SUOX: variants seen among roughly 807,000 people sequenced by gnomAD.
SUOX encodes the protein sulfite oxidase, mitochondrial.
A neutral mutation model predicts 41.9 loss-of-function variants in SUOX; 39 were observed. The observed-to-expected ratio is 0.93, with a 90% CI of 0.72 to 1.21. The LOEUF is 1.21. Ranked by LOEUF, SUOX falls within the 50% of genes most tolerant of loss-of-function variation. The probability of loss-of-function intolerance (pLI) is 0.00; values close to 1 mark genes in which losing one functional copy is unlikely to be tolerated. For synonymous variants in SUOX, 220 were observed against 268.4 expected, an observed-to-expected ratio of 0.82 and a Z score of 1.76; for missense variants, 633 against 689.5, an observed-to-expected ratio of 0.92 and a Z score of 0.92.
At position 56,004,271 on chromosome 12, in the gene SUOX, TG is replaced by T. The variant is rs1890650705; in HGVS notation, c.886del (p.Ala296HisfsTer7). 2 of 1,614,004 alleles carry T rather than the reference TG, an allele frequency of 1.2e-6. No homozygotes were observed. The highest frequency in any genetic ancestry group is 1.7e-6 in the Non-Finnish European group (2 of 1,180,000). ...TGAISTARWA[G>X]ARLCDVLAQA... ...GAGCCATCAGCACTGCACGCTGGGC[TG>T]GGGCACGGCTCTGTGATGTGTTAGC... On this transcript the variant is annotated frameshift_variant, in exon 5 of 5. Transcript: ENST00000266971. LOFTEE classifies it high-confidence loss of function. The surrounding 1 kb of genome is among the most constrained non-coding windows in gnomAD (Gnocchi z 4.5).
rs1202051158 is a variant in SUOX at position 56,005,128 on chromosome 12, C to T, written c.*101C>T. On this transcript the variant is annotated 3_prime_UTR_variant, in exon 5 of 5. Coordinates refer to ENST00000266971, the MANE Select transcript of SUOX (RefSeq NM_001032386.2). ...CAACTTCTTGGATCACAACTCTGGC[C>T]TTCCTAAGCCATACCCAAGTACACA... is the stretch of plus-strand genomic sequence containing the variant. 1.4e-6 allele frequency: 2 copies of T among 1,381,454 alleles called. No individual in the cohort carries two copies. The highest frequency in any genetic ancestry group is 2.0e-6 in the Non-Finnish European group (2 of 986,778). 85.6% of individuals were successfully genotyped at this position (1,381,454 alleles called of 1,614,324 possible). A position where few individuals can be genotyped will look rare whatever the true frequency, so the allele number is the denominator to read the frequency against.
chr12:55,998,762 G>C (rs1411663224), intron 2 of SUOX, among the ~76,000 whole-genome samples: 1 of 152,002 alleles, frequency 6.6e-6, no homozygotes, highest in African/African-American at 2.4e-5. Flanking sequence ...AGAGGTTGAA[G>C]CTTCAGTGAG....
At chr12:56,002,828 A>G (rs777202308) in intron 4 of SUOX, 108 bp downstream of exon 4, 1 of 1,331,558 alleles carries the variant, frequency 7.5e-7, no homozygotes, top group Non-Finnish European at 1.1e-6. Context: ...TGAGGTTAGG[A>G]GTTTGAGACC....
Position 56,004,374 on chromosome 12 carries a change from G to C in SUOX, c.985G>C (p.Ala329Pro). Reference sequence around the variant, plus strand: ...ACTGGACTCAGACCCTACTGGGACTGCCTATGGAGCATCCATCCCTCTGGC... The same window carrying C: ...ACTGGACTCAGACCCTACTGGGACTCCCTATGGAGCATCCATCCCTCTGGC... ...EGLDSDPTGT[A>P]YGASIPLARA... Residue 329 changes from alanine (A) to proline (P), a missense_variant, in exon 5 of 5, where the codon GCC becomes CCC. Ala to Pro is a conservative substitution (Grantham distance 27). Transcript: ENST00000266971. The surrounding 1 kb of genome is among the most constrained non-coding windows in gnomAD (Gnocchi z 4.5). 1 of 1,614,076 alleles carries C rather than the reference G, an allele frequency of 6.2e-7. No individual in the cohort carries two copies. The highest frequency in any genetic ancestry group is 8.5e-7 in the Non-Finnish European group (1 of 1,179,958).
At chr12:55,998,150 A>C (rs921785198) in intron 2 of SUOX, among the ~76,000 whole-genome samples, 25 of 152,166 alleles carry the variant, frequency 1.6e-4, no homozygotes, top group African/African-American at 5.8e-4. Context: ...CTTCAAAGAC[A>C]ATGTTATTAC....
At chr12:56,002,305 C>G (rs1467141032) in intron 3 of SUOX, 34 bp downstream of exon 3, 2 of 1,604,460 alleles carry the variant, frequency 1.2e-6, no homozygotes, top group South Asian at 2.2e-5. Context: ...TGCCTCCTAG[C>G]CCCTATCTGC....
At chr12:56,003,065 A>C in intron 4 of SUOX, 1 of 314,984 alleles carries the variant, frequency 3.2e-6, no homozygotes, top group Non-Finnish European at 6.2e-6. Flanking sequence ...GAATAAAGGA[A>C]TCAGTCCTAG....
intron 3 of SUOX, 46 bp from the exon 4 acceptor site, chr12:56,002,497 C>G: frequency 6.2e-7 from 1 of 1,611,234 alleles, no homozygotes. Flanking sequence ...CTTCACTAGC[C>G]CTTTCACATG....
rs776356158 is a variant in SUOX, at chr12:56,004,765, G to A, written c.1376G>A (p.Arg459Gln). The change falls in exon 5 of 5, where the codon CGG (arginine) becomes CAG (glutamine). Residue 459 changes from arginine (R) to glutamine (Q), a missense_variant. Physicochemically the swap from Arg to Gln is conservative, Grantham distance 43. Transcript: ENST00000266971. This position sits in a 1 kb window ranked among gnomAD's most constrained non-coding sequence, Gnocchi z 4.5. Reference sequence around the variant, plus strand: ...AGTGGTGGTGGCAGGGCTGTGATCCGGGTGGATGTGTCTCTGGATGGGGGC... The same window carrying A: ...AGTGGTGGTGGCAGGGCTGTGATCCAGGTGGATGTGTCTCTGGATGGGGGC... ...AWSGGGRAVI[R>Q]VDVSLDGGLT... 4.3e-6 allele frequency: 7 copies of A among 1,614,100 alleles called. No individual in the cohort carries two copies. Among genetic ancestry groups the A allele is most frequent in the African/African-American group, 2.7e-5 (2 of 75,012 alleles).
intron 2 of SUOX, among the ~76,000 whole-genome samples, chr12:55,998,729 G>A (rs1890401881): frequency 6.6e-6 from 1 of 152,172 alleles, no homozygotes; most frequent in African/African-American, 2.4e-5. Context: ...GGGAGGCTAA[G>A]GCAGGAGGAT....
chr12:55,998,855 G>C (rs1039664353), intron 2 of SUOX, among the ~76,000 whole-genome samples: 1 of 151,746 alleles, frequency 6.6e-6, no homozygotes, highest in African/African-American at 2.4e-5. Context: ...CTGGAGTACG[G>C]TGGCGCCATC....
rs1890656551 is a variant in SUOX, at chr12:56,004,368, G to A, written c.979G>A (p.Gly327Arg). The A allele has an allele frequency of 2.5e-6, 4 of 1,614,122 alleles. No homozygotes were observed. The highest frequency in any genetic ancestry group is 3.4e-6 in the Non-Finnish European group (4 of 1,179,994). Residue 327 changes from glycine to arginine, a missense_variant, in exon 5 of 5, where the codon GGG (glycine) becomes AGG (arginine). By Grantham distance (125) the Gly-to-Arg change is moderately radical. Transcript: ENST00000266971. The surrounding 1 kb of genome is among the most constrained non-coding windows in gnomAD (Gnocchi z 4.5). ...TGAGGGACTGGACTCAGACCCTACTGGGACTGCCTATGGAGCATCCATCCC... is the reference window on the plus strand; with the variant it reads ...TGAGGGACTGGACTCAGACCCTACTAGGACTGCCTATGGAGCATCCATCCC... ...CFEGLDSDPT[G>R]TAYGASIPLA...
rs1286041313 is a variant in SUOX at position 56,003,933 on chromosome 12, C to T, written c.544C>T (p.Arg182Cys). The T allele has an allele frequency of 5.6e-6, 9 of 1,614,014 alleles. No homozygotes were observed. The highest frequency in any genetic ancestry group is 2.2e-5 in the South Asian group (2 of 91,088). ...TGACCCTTATGCTGATGATCCTGTA[C>T]GTCACCCAGCCCTGAAGGTCAACAG... ...TSDPYADDPV[R>C]HPALKVNSQR... Residue 182 changes from arginine to cysteine, a missense_variant, in exon 5 of 5, where the codon CGT becomes TGT. Arg to Cys is a radical substitution (Grantham distance 180). Transcript: ENST00000266971.
Position 56,002,281 on chromosome 12 carries a change from C to T in SUOX, c.50+10C>T. ...TCCAACAGGCCTGCAGGTAGGCCAG[C>T]CCATCCCAGGACTTGCCTCCTAGCC... is the stretch of plus-strand genomic sequence containing the variant. On this transcript the variant is annotated intron_variant, in intron 3 of 4. Transcript: ENST00000266971. The T allele has an allele frequency of 6.2e-7, 1 of 1,610,398 alleles. No individual in the cohort carries two copies.
chr12:56,002,092 C>A, intron 2 of SUOX, 120 bp from the exon 3 acceptor site: 1 of 1,506,266 alleles, frequency 6.6e-7, no homozygotes, highest in Non-Finnish European at 9.0e-7. Context: ...AGACTCCTCA[C>A]TTGCCCAGAA....
intron 2 of SUOX, chr12:56,001,730 T>C (rs2136508545): frequency 5.4e-6 from 1 of 185,024 alleles, no homozygotes; most frequent in East Asian, 1.5e-4. Context: ...CCCAAGGCAT[T>C]TTGCCCCCAG....
chr12:56,003,285 G>C (rs1890599695), intron 4 of SUOX, among the ~76,000 whole-genome samples: 1 of 150,278 alleles, frequency 6.7e-6, no homozygotes, highest in Non-Finnish European at 1.5e-5. Context: ...TTTTGAGATG[G>C]AGTTTCACTC....
chr12:56,002,957 G>C, intron 4 of SUOX: 1 of 474,868 alleles, frequency 2.1e-6, no homozygotes. Flanking sequence ...AACCCAGGAG[G>C]CTAAGTCTGC....
At chr12:55,998,444 G>A (rs1239840423) in intron 2 of SUOX, among the ~76,000 whole-genome samples, 2 of 152,050 alleles carry the variant, frequency 1.3e-5, no homozygotes, top group African/African-American at 2.4e-5. Flanking sequence ...CTACTCAGGA[G>A]GTTGAGGCAG....
Sources: allele counts gnomAD v4.1 joint callset (sites outside exome capture counted in the v4.1 genomes callset), GRCh38; gene constraint gnomAD v4.1.1; non-coding constraint Gnocchi (gnomAD v3.1); transcripts MANE v1.5; gene names NCBI Gene and HGNC (gene_info 2026-07-23, HGNC 2026-07-21).